PWWP3A: variants seen among roughly 807,000 people sequenced by gnomAD.
PWWP3A encodes PWWP domain containing 3A, DNA repair factor, also known as PWWP domain-containing DNA repair factor 3A.
Under a neutral mutation model 79.0 loss-of-function variants are expected in PWWP3A, and 53 were observed. The ratio of observed to expected loss-of-function variants is 0.67; its 90% CI spans 0.54 to 0.84. The LOEUF (loss-of-function observed/expected upper bound fraction) is 0.84, where lower values mean the gene tolerates loss of function less well. Among genes scored for constraint, PWWP3A ranks in the 40% least tolerant of loss-of-function variants. PWWP3A has a pLI of 0.00. For synonymous variants in PWWP3A, 443 were observed against 394.4 expected (o/e 1.12, Z -1.46); for missense variants, 973 against 948.0 (o/e 1.03, Z -0.35).
chr19:1,376,571 C>A lies in PWWP3A; in HGVS notation c.2128C>A (p.Arg710=). The A allele has an allele frequency of 6.2e-7, 1 of 1,613,448 alleles. No individual in the cohort carries two copies. Among genetic ancestry groups the A allele is most frequent in the Non-Finnish European group, 8.5e-7 (1 of 1,179,854 alleles). Residue 710 remains arginine (R), a synonymous_variant, in exon 14 of 14, where the codon CGG becomes AGG. Transcript: ENST00000591337. The part of the protein sequence containing the change: ...QLLEERNRRR[R] ...CCTTGAAGAGCGGAACCGGCGCCGT[C>A]GGTGAGGGAGCAGCCGGCTGTGCTG...
chr19:1,375,658 A>G (rs982316503), intron 13 of PWWP3A, among the ~76,000 whole-genome samples: 1 of 108,618 alleles, frequency 9.2e-6, no homozygotes, highest in Non-Finnish European at 1.9e-5. Flanking sequence ...AATTGTATAT[A>G]TTATATATAA....
In PWWP3A at chr19:1,360,997, G is replaced by A. The variant is rs200272591; in HGVS notation, c.1076G>A (p.Cys359Tyr). 2.4e-4 allele frequency: 346 copies of A among 1,440,698 alleles called. 2 individuals are homozygous for A. In the East Asian group the frequency reaches 5.0e-3, roughly 21 times the overall value. 89.2% of individuals were successfully genotyped at this position (1,440,698 alleles called of 1,614,324 possible). A position where few individuals can be genotyped will look rare whatever the true frequency, so the allele number is the denominator to read the frequency against. Residue 359 changes from cysteine to tyrosine, a missense_variant, in exon 5 of 14, where the codon TGT becomes TAT. Cys to Tyr is a radical substitution (Grantham distance 194). Coordinates refer to ENST00000591337, the MANE Select transcript of PWWP3A (RefSeq NM_001369789.1). This position sits in a 1 kb window ranked among gnomAD's most constrained non-coding sequence, Gnocchi z 4.4. ...CACGCCTCTGCGGATGCAACCAGAT[G>A]TCTTCCTTGCCCGGATTCCCAGAAG... ...PSHASADATR[C>Y]LPCPDSQKLE...
chr19:1,360,361 C>G lies in PWWP3A; in HGVS notation c.440C>G (p.Ser147Cys). The G allele has an allele frequency of 6.2e-7, 1 of 1,614,096 alleles. No homozygotes were observed. The highest frequency in any genetic ancestry group is 1.3e-5 in the African/African-American group (1 of 75,034). ...SLPRGDVLGS[S>C]RPHRRRPCVQ... ...CCCCGCGGAGACGTGTTGGGCAGTTCCAGACCTCACAGGAGGAGGCCATGT... is the reference window on the plus strand; with the variant it reads ...CCCCGCGGAGACGTGTTGGGCAGTTGCAGACCTCACAGGAGGAGGCCATGT... Residue 147 changes from serine to cysteine, a missense_variant, in exon 5 of 14, where the codon TCC (serine) becomes TGC (cysteine). Physicochemically the swap from Ser to Cys is moderately radical, Grantham distance 112. Coordinates refer to ENST00000591337, the MANE Select transcript of PWWP3A (RefSeq NM_001369789.1). This position sits in a 1 kb window ranked among gnomAD's most constrained non-coding sequence, Gnocchi z 4.4.
intron 7 of PWWP3A, among the ~76,000 whole-genome samples, chr19:1,365,855 C>T (rs1238776969): frequency 1.3e-5 from 2 of 152,240 alleles, no homozygotes; most frequent in African/African-American, 2.4e-5. Context: ...CTCACGGTGG[C>T]CCCGGGAGGC....
intron 3 of PWWP3A, chr19:1,357,399 C>CTTTTTTTTTTTTTTTTTTTTTTTTTTT (rs66856576): frequency 7.8e-6 from 1 of 127,882 alleles, no homozygotes; most frequent in Non-Finnish European, 1.6e-5. Context: ...GGGATATTTC[C>CTTTTTTTTTTTTTTTTTTTTTTTTTTT]TTTTTTTTTT....
rs748421039 is a variant in PWWP3A, at chr19:1,360,742, G to C, written c.821G>C (p.Gly274Ala). 6.2e-7 allele frequency: 1 copy of C among 1,612,614 alleles called. No homozygotes were observed. Among genetic ancestry groups the C allele is most frequent in the African/African-American group, 1.3e-5 (1 of 75,070 alleles). ...PCANAEGHDPGLPLGSLTAPP... is the reference protein window; with the variant it reads ...PCANAEGHDPALPLGSLTAPP... ...GCCAACGCTGAGGGACACGACCCCG[G>C]TCTGCCGTTGGGCAGCCTCACTGCG... Residue 274 changes from glycine (G) to alanine (A), a missense_variant, in exon 5 of 14, where the codon GGT (glycine) becomes GCT (alanine). Transcript: ENST00000591337. The surrounding 1 kb of genome is among the most constrained non-coding windows in gnomAD (Gnocchi z 4.4).
At chr19:1,374,586 G>A (rs2082326564) in intron 13 of PWWP3A, among the ~76,000 whole-genome samples, 1 of 152,088 alleles carries the variant, frequency 6.6e-6, no homozygotes, top group Admixed American at 6.6e-5. Context: ...CTATTTCCAG[G>A]TCTGCTGGGG....
chr19:1,360,489 T>C lies in PWWP3A; in HGVS notation c.568T>C (p.Leu190=). ...LRKSENPRGP[L]VLPAGGGAQD... is the part of the protein sequence containing the mutation. ...GAAAAGTGAAAACCCAAGAGGCCCG[T>C]TGGTCCTCCCAGCTGGAGGTGGTGC... The change falls in exon 5 of 14, where the codon TTG becomes CTG. Residue 190 remains leucine, a synonymous_variant. Coordinates refer to ENST00000591337, the MANE Select transcript of PWWP3A (RefSeq NM_001369789.1). This position sits in a 1 kb window ranked among gnomAD's most constrained non-coding sequence, Gnocchi z 4.4. 1 of 1,614,114 alleles carries C rather than the reference T, an allele frequency of 6.2e-7. No homozygotes were observed. The highest frequency in any genetic ancestry group is 2.2e-5 in the East Asian group (1 of 44,888).
chr19:1,371,357 C>T (rs1312094257), intron 12 of PWWP3A: 4 of 703,712 alleles, frequency 5.7e-6, no homozygotes, highest in East Asian at 2.7e-5. Flanking sequence ...TCCCTCCCTA[C>T]TGCGGGCGCA....
At chr19:1,362,445 A>G in intron 6 of PWWP3A, 94 bp downstream of exon 6, 1 of 928,914 alleles carries the variant, frequency 1.1e-6, no homozygotes, top group Non-Finnish European at 1.6e-6. Flanking sequence ...TTCTCCATGA[A>G]AGGTCTCCTG....
At chr19:1,376,119 ACT>A (rs1171855475) in intron 13 of PWWP3A, among the ~76,000 whole-genome samples, 77 of 106,682 alleles carry the variant, frequency 7.2e-4, no homozygotes, top group African/African-American at 2.7e-3. Flanking sequence ...TCTCTGTCAT[ACT>A]CTTTTTTTTT....
rs149375025 is a variant in PWWP3A, at chr19:1,373,174, G to A, written c.2075+14G>A. ...GCTGAGCTACCGGTAGGCCGCTCCC[G>A]GCGCTATCTCCAGCCACTTGCGTCT... On this transcript the variant is annotated intron_variant, in intron 13 of 13. Transcript: ENST00000591337. 1,592 of 1,610,786 alleles carry A rather than the reference G, an allele frequency of 9.9e-4. 2 individuals are homozygous for A. The highest frequency in any genetic ancestry group is 1.2e-3 in the Non-Finnish European group (1,375 of 1,177,606).
rs1336884812 is a variant in PWWP3A, at chr19:1,373,286, C to T, written c.2075+126C>T. The T allele has an allele frequency of 8.9e-6, 7 of 790,746 alleles. No individual in the cohort carries two copies. In the East Asian group the frequency reaches 1.6e-4, roughly 18 times the overall value. The allele number at this position is 790,746 out of a possible 1,614,324, so 49.0% of individuals were successfully genotyped here. A position where few individuals can be genotyped will look rare whatever the true frequency, so the allele number is the denominator to read the frequency against. ...TCTCCCTCATGAGGTGGCCCAGGTG[C>T]TGGGTGGTGAGCTGATCACATACGC... On this transcript the variant is annotated intron_variant, in intron 13 of 13. Transcript: ENST00000591337.
intron 7 of PWWP3A, among the ~76,000 whole-genome samples, chr19:1,365,815 G>T (rs1288949257): frequency 6.6e-6 from 1 of 152,386 alleles, no homozygotes; most frequent in Admixed American, 6.5e-5. Flanking sequence ...GCCATCGGAG[G>T]CGCTGGTCGC....
rs2526138 is a variant in PWWP3A at position 1,368,890 on chromosome 19, G to A, written c.1423-375G>A. Among the ~76,000 whole-genome samples the A allele has an allele frequency of 0.015, 1,708 of 114,782 alleles. No homozygotes were observed. Among genetic ancestry groups the A allele is most frequent in the African/African-American group, 0.029 (768 of 26,398 alleles). The allele number at this position is 114,782 out of a possible 152,430, so 75.3% of individuals were successfully genotyped here. A position where few individuals can be genotyped will look rare whatever the true frequency, so the allele number is the denominator to read the frequency against. On this transcript the variant is annotated intron_variant, in intron 9 of 13. Coordinates refer to ENST00000591337, the MANE Select transcript of PWWP3A (RefSeq NM_001369789.1). The surrounding 1 kb of genome is among the most constrained non-coding windows in gnomAD (Gnocchi z 4.7). ...TGCGTTCAGACCAGCCCAAGCCATCGGGTCCCCGGTGCCCACCTGCGTTCA... is the reference window on the plus strand; with the variant it reads ...TGCGTTCAGACCAGCCCAAGCCATCAGGTCCCCGGTGCCCACCTGCGTTCA...
At chr19:1,374,028 T>C (rs1016357574) in intron 13 of PWWP3A, 35 of 152,342 alleles carry the variant, frequency 2.3e-4, no homozygotes, top group African/African-American at 8.4e-4. Flanking sequence ...TGGATCTTCA[T>C]GGTTCCCCCG....
chr19:1,372,915 A>T (rs1249142977), intron 12 of PWWP3A, 157 bp from the exon 13 acceptor site: 1 of 604,630 alleles, frequency 1.7e-6, no homozygotes, highest in Middle Eastern at 4.4e-4. Context: ...ACAAGCAGGG[A>T]TTCATGGACT....
intron 4 of PWWP3A, 49 bp downstream of exon 4, chr19:1,358,513 T>C: frequency 6.2e-7 from 1 of 1,608,312 alleles, no homozygotes; most frequent in Non-Finnish European, 8.5e-7. Flanking sequence ...AAATAAGAGG[T>C]CATTTGGGAG....
intron 1 of PWWP3A, 142 bp downstream of exon 1, chr19:1,355,277 C>T (rs1022965713): frequency 6.5e-6 from 1 of 153,272 alleles, no homozygotes; most frequent in Non-Finnish European, 1.5e-5. Flanking sequence ...CCACTCTGCC[C>T]GGACCCCCTT....
Sources: gnomAD v4.1 joint callset for allele counts (sites outside exome capture counted in the v4.1 genomes callset) on GRCh38, gnomAD v4.1.1 for gene constraint, Gnocchi (gnomAD v3.1) non-coding constraint, MANE v1.5 for transcripts, NCBI Gene and HGNC (gene_info 2026-07-23, HGNC 2026-07-21) for gene names.